Variants in PROS1 observed in about 807,000 individuals in gnomAD.
PROS1 encodes protein S, also known as vitamin K-dependent protein S.
Under a neutral mutation model 75.9 loss-of-function variants are expected in PROS1, and 29 were observed. The ratio of observed to expected loss-of-function variants is 0.38; its 90% CI spans 0.28 to 0.52. The LOEUF is 0.52. Among genes scored for constraint, PROS1 ranks in the 20% least tolerant of loss-of-function variants. The pLI is 0.83. For synonymous variants in PROS1, 245 were observed against 280.6 expected (o/e 0.87, Z 1.27); for missense variants, 680 against 810.3 (o/e 0.84, Z 1.95).
chr3:93,908,918 G>T (rs764485563), intron 4 of PROS1, among the ~76,000 whole-genome samples: 2 of 152,072 alleles, frequency 1.3e-5, no homozygotes, highest in African/African-American at 4.8e-5. Context: ...TTTTCCTTAG[G>T]AGTCACAGTG....
At chr3:93,944,183 C>G (rs530662603) in intron 1 of PROS1, among the ~76,000 whole-genome samples, 2 of 152,066 alleles carry the variant, frequency 1.3e-5, no homozygotes, top group South Asian at 2.1e-4. Context: ...AAGACTAACA[C>G]GAAACCAGAT....
intron 1 of PROS1, among the ~76,000 whole-genome samples, chr3:93,943,361 C>G (rs1352622948): frequency 1.3e-5 from 2 of 152,120 alleles, no homozygotes; most frequent in Non-Finnish European, 2.9e-5. Context: ...ATTCTTAGTC[C>G]TTTAATACCT....
At chr3:93,945,100 T>C (rs1005363594) in intron 1 of PROS1, among the ~76,000 whole-genome samples, 2 of 151,564 alleles carry the variant, frequency 1.3e-5, no homozygotes, top group Non-Finnish European at 3.0e-5. Context: ...ACATGCACCC[T>C]CCCAAGAAGA....
intron 1 of PROS1, among the ~76,000 whole-genome samples, chr3:93,960,499 G>A (rs1709689575): frequency 6.7e-6 from 1 of 148,452 alleles, no homozygotes; most frequent in Non-Finnish European, 1.5e-5. Context: ...TTAAGCTGAG[G>A]CAGTTAAAAA....
chr3:93,873,369 C>T lies in PROS1; in HGVS notation c.*876G>A. 1 of 152,124 alleles carries T rather than the reference C, an allele frequency of 6.6e-6. No individual in the cohort carries two copies. Among genetic ancestry groups the T allele is most frequent in the Non-Finnish European group, 1.5e-5 (1 of 68,012 alleles). The allele number at this position is 152,124 out of a possible 1,614,324, so 9.4% of individuals were successfully genotyped here. On this transcript the variant is annotated 3_prime_UTR_variant, in exon 15 of 15. Transcript: ENST00000394236. ...TTTTGTTAAAATTTGTTCTGGTTTT[C>T]ATAGTTCCTTTTGTACTTCAACAAT...
At chr3:93,911,591 C>A (rs1204127538) in intron 3 of PROS1, among the ~76,000 whole-genome samples, 1 of 152,110 alleles carries the variant, frequency 6.6e-6, no homozygotes, top group Non-Finnish European at 1.5e-5. Flanking sequence ...TGGAGTCAAC[C>A]AGGATGGCTG....
intron 1 of PROS1, among the ~76,000 whole-genome samples, chr3:93,963,502 G>C (rs1709739989): frequency 6.6e-6 from 1 of 152,142 alleles, no homozygotes; most frequent in African/African-American, 2.4e-5. Flanking sequence ...GTGTTAATCT[G>C]TCTGCATCAC....
intron 1 of PROS1, among the ~76,000 whole-genome samples, chr3:93,943,155 A>G (rs1372935660): frequency 1.3e-5 from 2 of 152,114 alleles, no homozygotes; most frequent in Non-Finnish European, 2.9e-5. Flanking sequence ...TAGAACCTTC[A>G]TACCCCTTAC....
At chr3:93,946,388 C>T (rs936535503) in intron 1 of PROS1, among the ~76,000 whole-genome samples, 3 of 152,162 alleles carry the variant, frequency 2.0e-5, no homozygotes, top group Non-Finnish European at 2.9e-5. Context: ...AGGCATCATG[C>T]TACATGACTT....
At chr3:93,963,479 C>T (rs1709739684) in intron 1 of PROS1, among the ~76,000 whole-genome samples, 1 of 152,186 alleles carries the variant, frequency 6.6e-6, no homozygotes, top group South Asian at 2.1e-4. Context: ...CAACTAATCT[C>T]TGGCTTACAG....
chr3:93,901,242 G>C (rs1233465159), intron 6 of PROS1, among the ~76,000 whole-genome samples: 1 of 152,150 alleles, frequency 6.6e-6, no homozygotes, highest in Non-Finnish European at 1.5e-5. Flanking sequence ...CTTGAAAACA[G>C]ATTCACTCCA....
At chr3:93,880,501 G>C (rs1339362522) in intron 12 of PROS1, among the ~76,000 whole-genome samples, 9 of 151,490 alleles carry the variant, frequency 5.9e-5, no homozygotes, top group Admixed American at 2.0e-4. Flanking sequence ...GTGAGACTCT[G>C]TCTCCAAAAA....
At chr3:93,881,063 G>A (rs1708269632) in intron 12 of PROS1, among the ~76,000 whole-genome samples, 1 of 152,128 alleles carries the variant, frequency 6.6e-6, no homozygotes, top group South Asian at 2.1e-4. Flanking sequence ...AGTGGCTCAT[G>A]CCTGTAACAC....
chr3:93,954,740 C>A (rs986322237), intron 1 of PROS1, among the ~76,000 whole-genome samples: 9 of 152,168 alleles, frequency 5.9e-5, no homozygotes, highest in Non-Finnish European at 1.3e-4. Flanking sequence ...TCTAATTAAA[C>A]TAAAGGGCTT....
In PROS1 at chr3:93,896,808, C is replaced by T. The variant is rs142578390; in HGVS notation, c.850-117G>A. 6,118 of 719,152 alleles carry T rather than the reference C, an allele frequency of 8.5e-3. 58 individuals are homozygous for T. Among genetic ancestry groups the T allele is most frequent in the South Asian group, 0.018 (1,118 of 63,606 alleles). The allele number at this position is 719,152 out of a possible 1,614,324, so 44.5% of individuals were successfully genotyped here. On this transcript the variant is annotated intron_variant, in intron 8 of 14. Transcript: ENST00000394236. ...TTACTAATGTATCATCTGTAATACA[C>T]TAAAATAATTAAGAATATTTTTGGT...
At chr3:93,905,326 G>T (rs1174558999) in intron 6 of PROS1, among the ~76,000 whole-genome samples, 3 of 152,138 alleles carry the variant, frequency 2.0e-5, no homozygotes, top group Admixed American at 6.5e-5. Context: ...AAACTAAAAT[G>T]CAGGCCAGGC....
At chr3:93,891,783 G>A (rs549841284) in intron 10 of PROS1, among the ~76,000 whole-genome samples, 24 of 152,126 alleles carry the variant, frequency 1.6e-4, no homozygotes, top group African/African-American at 4.1e-4. Flanking sequence ...AACTAGGTCC[G>A]GTACAATGGC....
intron 1 of PROS1, among the ~76,000 whole-genome samples, chr3:93,961,068 A>T (rs1709699703): frequency 6.6e-6 from 1 of 152,160 alleles, no homozygotes; most frequent in Non-Finnish European, 1.5e-5. Context: ...TCAATTCATG[A>T]TTCTAAAAAA....
intron 1 of PROS1, among the ~76,000 whole-genome samples, chr3:93,953,386 C>CAA (rs1709538499): frequency 1.3e-5 from 2 of 152,206 alleles, no homozygotes; most frequent in African/African-American, 4.8e-5. Flanking sequence ...CCACCCCGAT[C>CAA]AAGTTGGCTT....
Sources: gnomAD v4.1 joint callset for allele counts (sites outside exome capture counted in the v4.1 genomes callset) on GRCh38, gnomAD v4.1.1 for gene constraint, MANE v1.5 for transcripts, NCBI Gene and HGNC (gene_info 2026-07-23, HGNC 2026-07-21) for gene names.